Variants in TCF20 observed in about 807,000 individuals in gnomAD.
TCF20 encodes the protein transcription factor 20.
Under a neutral mutation model 148.6 loss-of-function variants are expected in TCF20, and 3 were observed. The observed-to-expected ratio is 0.02, with a 90% CI of 0.01 to 0.05. TCF20 has a LOEUF of 0.05. Ranked by LOEUF, TCF20 falls within the 10% of genes least tolerant of loss-of-function variation. The pLI, the probability that TCF20 is intolerant of heterozygous loss-of-function variation, is 1.00. For missense variants in TCF20, 2,350 were observed against 2,429.3 expected (o/e 0.97, Z 0.69); for synonymous variants, 1,049 against 909.5 (o/e 1.15, Z -2.76).
chr22:42,210,428 G>A lies in TCF20; in HGVS notation c.4878C>T (p.Ala1626=), dbSNP rs1920934801. 5.0e-6 allele frequency: 8 copies of A among 1,614,198 alleles called. No homozygotes were observed. The highest frequency in any genetic ancestry group is 1.3e-5 in the African/African-American group (1 of 75,036). Residue 1626 remains alanine, a synonymous_variant, in exon 2 of 6, where the codon GCC becomes GCT. Transcript: ENST00000677622. This position sits in a 1 kb window ranked among gnomAD's most constrained non-coding sequence, Gnocchi z 4.7. ...TGTAAGGGTAAAAAGACTTGTTCTT[G>A]GCATCAGTTTTATCCAGTGGCTGGG... ...YATQPLDKTD[A]KNKSFYPYIH...
At chr22:42,258,279 T>G (rs746448906) in intron 1 of TCF20, among the ~76,000 whole-genome samples, 1 of 151,594 alleles carries the variant, frequency 6.6e-6, no homozygotes, top group Admixed American at 6.5e-5. Flanking sequence ...CCCCCTTCCC[T>G]AGGCAGAGGA....
At chr22:42,241,358 T>C (rs1196403235) in intron 1 of TCF20, among the ~76,000 whole-genome samples, 4 of 152,094 alleles carry the variant, frequency 2.6e-5, no homozygotes, top group Non-Finnish European at 4.4e-5. Context: ...ACTGGAGATA[T>C]CAGGAGACTA....
At chr22:42,176,673 G>C (rs1315012872) in intron 3 of TCF20, among the ~76,000 whole-genome samples, 2 of 152,102 alleles carry the variant, frequency 1.3e-5, no homozygotes, top group African/African-American at 4.8e-5. Context: ...GGGCTGCCTG[G>C]GTGATGGTCT....
intron 1 of TCF20, among the ~76,000 whole-genome samples, chr22:42,330,607 CTATT>C (rs1461549331): frequency 6.6e-6 from 1 of 152,228 alleles, no homozygotes; most frequent in Non-Finnish European, 1.5e-5. Context: ...TGTGTTCTTA[CTATT>C]TATTAAATGA....
rs142222254 is a variant in TCF20, at chr22:42,168,651, C to T, written c.*2G>A. On this transcript the variant is annotated 3_prime_UTR_variant, in exon 5 of 6. Transcript: ENST00000677622. ...TCCATTCCCACGAGCACACTGCCCCCCTCACCCCCGCTCCGACTGCTCTGT... is the reference window on the plus strand; with the variant it reads ...TCCATTCCCACGAGCACACTGCCCCTCTCACCCCCGCTCCGACTGCTCTGT... 3 of 1,600,764 alleles carry T rather than the reference C, an allele frequency of 1.9e-6. No homozygotes were observed. Among genetic ancestry groups the T allele is most frequent in the Non-Finnish European group, 2.6e-6 (3 of 1,173,650 alleles).
intron 1 of TCF20, among the ~76,000 whole-genome samples, chr22:42,320,291 G>A (rs1249074896): frequency 2.0e-5 from 3 of 152,178 alleles, no homozygotes; most frequent in African/African-American, 7.2e-5. Context: ...ATGAGAGCAG[G>A]CAGGATGGAG....
Position 42,215,013 on chromosome 22 carries a change from G to A in TCF20, c.293C>T (p.Pro98Leu). The change falls in exon 2 of 6, where the codon CCC becomes CTC. Residue 98 changes from proline to leucine, a missense_variant. Pro to Leu is a moderately conservative substitution (Grantham distance 98, BLOSUM62 -3). Coordinates refer to ENST00000677622, the MANE Select transcript of TCF20 (RefSeq NM_001378418.1). ...AGGCTGTGGGGTTCCTGTAGTCACG[G>A]GGTCTTTGTTGCCTGCCATGTAGTA... ...DFYYMAGNKD[P>L]VTTGTPQPPQ... 6.2e-7 allele frequency: 1 copy of A among 1,614,208 alleles called. No individual in the cohort carries two copies. The highest frequency in any genetic ancestry group is 8.5e-7 in the Non-Finnish European group (1 of 1,180,036).
chr22:42,168,713 G>T lies in TCF20; in HGVS notation c.5823C>A (p.Pro1941=). ...KHKPPLPCPL[P]PLQNKTAKGS... ...CTTTCGCGGTCTTGTTCTGCAAGGG[G>T]GGGAGAGGGCACGGAAGGGGAGGCT... Residue 1941 remains proline, a synonymous_variant, in exon 5 of 6, where the codon CCC becomes CCA. Coordinates refer to ENST00000677622, the MANE Select transcript of TCF20 (RefSeq NM_001378418.1). The T allele has an allele frequency of 6.2e-7, 1 of 1,611,404 alleles. No homozygotes were observed. Among genetic ancestry groups the T allele is most frequent in the South Asian group, 1.1e-5 (1 of 90,714 alleles).
intron 1 of TCF20, among the ~76,000 whole-genome samples, chr22:42,289,489 C>T (rs903479417): frequency 3.3e-5 from 5 of 152,154 alleles, no homozygotes; most frequent in African/African-American, 1.2e-4. Flanking sequence ...GTTTTCTCCT[C>T]CATGAAGTGG....
intron 1 of TCF20, among the ~76,000 whole-genome samples, chr22:42,235,208 A>G (rs986169432): frequency 1.3e-5 from 2 of 152,132 alleles, no homozygotes; most frequent in African/African-American, 2.4e-5. Flanking sequence ...GGTGCAAGCC[A>G]TAACTATGAT....
intron 1 of TCF20, among the ~76,000 whole-genome samples, chr22:42,282,834 G>T (rs1344097873): frequency 2.0e-5 from 3 of 152,110 alleles, no homozygotes; most frequent in South Asian, 2.1e-4. Flanking sequence ...TCTGTCTCCA[G>T]CTCTTCACTG....
At chr22:42,263,078 A>AAC (rs1037013899) in intron 1 of TCF20, among the ~76,000 whole-genome samples, 2 of 152,108 alleles carry the variant, frequency 1.3e-5, no homozygotes, top group African/African-American at 4.8e-5. Flanking sequence ...GCCTTCCCCC[A>AAC]ACAGCCCAAA....
At chr22:42,312,721 T>G (rs1182089038) in intron 1 of TCF20, among the ~76,000 whole-genome samples, 1 of 152,068 alleles carries the variant, frequency 6.6e-6, no homozygotes, top group Admixed American at 6.5e-5. Flanking sequence ...AGCCTCAGGC[T>G]CCCCATCTGC....
At chr22:42,201,698 G>GCGAAGGTTTCAGTGAGC (rs1938033386) in intron 2 of TCF20, among the ~76,000 whole-genome samples, 1 of 152,018 alleles carries the variant, frequency 6.6e-6, no homozygotes, top group Non-Finnish European at 1.5e-5. Flanking sequence ...AACCTGGGAG[G>GCGAAGGTTTCAGTGAGC]CGAAGGTTTC....
intron 1 of TCF20, among the ~76,000 whole-genome samples, chr22:42,342,479 C>G (rs911323804): frequency 6.6e-6 from 1 of 152,162 alleles, no homozygotes. Flanking sequence ...AATGTTGGCC[C>G]GGGTTCAAAA....
chr22:42,255,499 A>C (rs1350755013), intron 1 of TCF20, among the ~76,000 whole-genome samples: 1 of 132,294 alleles, frequency 7.6e-6, no homozygotes, highest in South Asian at 2.3e-4. Context: ...AACAACAACA[A>C]CAACAACAAC....
intron 1 of TCF20, among the ~76,000 whole-genome samples, chr22:42,231,325 C>A (rs1923377402): frequency 6.6e-6 from 1 of 151,862 alleles, no homozygotes; most frequent in South Asian, 2.1e-4. Context: ...TCTATAAAAA[C>A]TAAAAAAACG....
Position 42,211,725 on chromosome 22 carries a change from T to C in TCF20, c.3581A>G (p.Gln1194Arg), listed in dbSNP as rs763772467. ...LQESCWDLSR[Q>R]TSPAKSSGPP... ...ACCGCTGCTTTTGGCTGGAGAAGTT[T>C]GCCGAGAAAGATCCCAACAGGATTC... Residue 1194 changes from glutamine (Q) to arginine (R), a missense_variant, in exon 2 of 6, where the codon CAA becomes CGA. Gln to Arg is a conservative substitution (Grantham distance 43). Coordinates refer to ENST00000677622, the MANE Select transcript of TCF20 (RefSeq NM_001378418.1). 2 of 1,614,210 alleles carry C rather than the reference T, an allele frequency of 1.2e-6. No homozygotes were observed. Among genetic ancestry groups the C allele is most frequent in the East Asian group, 2.2e-5 (1 of 44,890 alleles).
intron 5 of TCF20, among the ~76,000 whole-genome samples, chr22:42,164,219 T>C (rs1245810093): frequency 1.4e-5 from 2 of 141,036 alleles, no homozygotes; most frequent in Non-Finnish European, 3.1e-5. Context: ...TTTCTTTTTT[T>C]TTTTTTTTTT....
Sources: gnomAD v4.1 joint callset for allele counts (sites outside exome capture counted in the v4.1 genomes callset) on GRCh38, gnomAD v4.1.1 for gene constraint, Gnocchi (gnomAD v3.1) non-coding constraint, MANE v1.5 for transcripts, NCBI Gene and HGNC (gene_info 2026-07-23, HGNC 2026-07-21) for gene names.